The following TRPC4AP variants were observed in gnomAD, a reference collection of about 807,000 sequenced individuals.
TRPC4AP encodes the protein transient receptor potential cation channel subfamily C member 4 associated protein, also known as short transient receptor potential channel 4-associated protein.
In TRPC4AP, 45 loss-of-function variants were observed where a neutral mutation model predicts 99.0. The observed-to-expected ratio is 0.45, with a 90% CI of 0.36 to 0.58. The LOEUF (loss-of-function observed/expected upper bound fraction) is 0.58, where lower values mean the gene tolerates loss of function less well. Ranked by LOEUF, TRPC4AP falls within the 20% of genes least tolerant of loss-of-function variation. The pLI, the probability that TRPC4AP is intolerant of heterozygous loss-of-function variation, is 0.00. For missense variants in TRPC4AP, 879 were observed against 985.3 expected (o/e 0.89, Z 1.44); for synonymous variants, 408 against 385.8 (o/e 1.06, Z -0.67).
chr20:35,091,538 C>T (rs934209260), intron 1 of TRPC4AP, among the ~76,000 whole-genome samples: 1 of 152,120 alleles, frequency 6.6e-6, no homozygotes, highest in Non-Finnish European at 1.5e-5. Flanking sequence ...CCACCAACCA[C>T]TTTATCAGTT....
chr20:35,059,376 G>C (rs1185225715), intron 3 of TRPC4AP, among the ~76,000 whole-genome samples: 1 of 152,174 alleles, frequency 6.6e-6, no homozygotes, highest in African/African-American at 2.4e-5. Flanking sequence ...AGAAGAAACA[G>C]AGGCTGAGCA....
intron 3 of TRPC4AP, among the ~76,000 whole-genome samples, chr20:35,068,898 C>G (rs1275802888): frequency 1.3e-5 from 2 of 150,124 alleles, no homozygotes; most frequent in Non-Finnish European, 3.0e-5. Context: ...TGGTATATCA[C>G]TCTATGTGCG....
At chr20:35,065,005 A>C (rs925936454) in intron 3 of TRPC4AP, among the ~76,000 whole-genome samples, 7 of 152,242 alleles carry the variant, frequency 4.6e-5, no homozygotes, top group Admixed American at 2.6e-4. Context: ...CAAAATGAGT[A>C]GTAATGTTTA....
rs371983247 is a variant in TRPC4AP, at chr20:35,054,925, T to C, written c.528+51A>G. ...ACTCGAATATTCCCATCTTAAACATTGCAGACCTGGTAGGGGAGATAAACA... is the reference window on the plus strand; with the variant it reads ...ACTCGAATATTCCCATCTTAAACATCGCAGACCTGGTAGGGGAGATAAACA... On this transcript the variant is annotated intron_variant, in intron 5 of 18. Transcript: ENST00000252015. The C allele has an allele frequency of 4.7e-6, 7 of 1,476,682 alleles. No individual in the cohort carries two copies. The African/African-American group carries it at 8.3e-5, about 18-fold the overall frequency. The allele number at this position is 1,476,682 out of a possible 1,614,324, so 91.5% of individuals were successfully genotyped here.
chr20:35,073,764 C>G (rs2084390530), intron 2 of TRPC4AP, among the ~76,000 whole-genome samples: 1 of 152,184 alleles, frequency 6.6e-6, no homozygotes, highest in African/African-American at 2.4e-5. Context: ...GCTTTGGTAT[C>G]AGGATGATGC....
chr20:35,060,637 C>T (rs1432141738), intron 3 of TRPC4AP, among the ~76,000 whole-genome samples: 1 of 143,974 alleles, frequency 6.9e-6, no homozygotes, highest in Non-Finnish European at 1.5e-5. Flanking sequence ...CACCATGACA[C>T]TATGACAAAG....
intron 1 of TRPC4AP, among the ~76,000 whole-genome samples, chr20:35,078,794 G>A (rs367661914): frequency 5.3e-5 from 8 of 152,290 alleles, no homozygotes; most frequent in African/African-American, 1.7e-4. Context: ...GGCCAGGCAC[G>A]GTGGCTCACA....
chr20:35,034,499 CTTAG>C (rs1160705712), intron 8 of TRPC4AP, among the ~76,000 whole-genome samples: 10 of 152,174 alleles, frequency 6.6e-5, no homozygotes, highest in Admixed American at 6.5e-4. Context: ...TCACCGAGAA[CTTAG>C]TCTCTTCAAT....
At chr20:35,028,633 A>G (rs1466443847) in intron 8 of TRPC4AP, among the ~76,000 whole-genome samples, 1 of 152,144 alleles carries the variant, frequency 6.6e-6, no homozygotes, top group Non-Finnish European at 1.5e-5. Flanking sequence ...CTTGAGAAGA[A>G]CGTGCATTCT....
intron 3 of TRPC4AP, among the ~76,000 whole-genome samples, chr20:35,062,298 G>T (rs929289832): frequency 2.0e-5 from 3 of 152,044 alleles, no homozygotes; most frequent in Admixed American, 6.5e-5. Context: ...ATATACCAAG[G>T]GAAATTTTTT....
chr20:35,003,300 G>A lies in TRPC4AP; in HGVS notation c.2257-17C>T. 4 of 1,612,402 alleles carry A rather than the reference G, an allele frequency of 2.5e-6. No individual in the cohort carries two copies. Among genetic ancestry groups the A allele is most frequent in the Non-Finnish European group, 3.4e-6 (4 of 1,179,250 alleles). On this transcript the variant is annotated splice_polypyrimidine_tract_variant and intron_variant, in intron 18 of 18. Transcript: ENST00000252015. ...GCAGGAGCTCTGGGCAAAGAGGGAG[G>A]GGCTGGGGGGCGCCTGGAGGACCCA...
At chr20:35,054,459 G>A (rs537085900) in intron 5 of TRPC4AP, among the ~76,000 whole-genome samples, 2 of 152,242 alleles carry the variant, frequency 1.3e-5, no homozygotes, top group Admixed American at 1.3e-4. Context: ...GGTGTACTAA[G>A]CCAAGGGCCA....
intron 1 of TRPC4AP, among the ~76,000 whole-genome samples, chr20:35,083,957 T>A (rs1263344042): frequency 6.7e-6 from 1 of 149,482 alleles, no homozygotes; most frequent in Non-Finnish European, 1.5e-5. Context: ...TTCAAATGAT[T>A]TCTTTAAAAA....
At chr20:35,078,308 C>CA in intron 1 of TRPC4AP, 134 bp from the exon 2 acceptor site, 1 of 875,944 alleles carries the variant, frequency 1.1e-6, no homozygotes, top group Admixed American at 2.9e-5. Context: ...CTATAAAAAG[C>CA]CTCTTTCTAT....
chr20:35,040,011 A>C (rs1378024859), intron 7 of TRPC4AP, among the ~76,000 whole-genome samples: 1 of 151,884 alleles, frequency 6.6e-6, no homozygotes, highest in East Asian at 2.0e-4. Context: ...AGTTTATTAA[A>C]AACGAAACGA....
intron 11 of TRPC4AP, 59 bp from the exon 12 acceptor site, chr20:35,010,347 C>A (rs1450939022): frequency 6.9e-7 from 1 of 1,449,176 alleles, no homozygotes; most frequent in African/African-American, 1.4e-5. Context: ...TGGGTCAGCA[C>A]CAGGCTAGTG....
chr20:35,045,524 TTA>T (rs2083540773), intron 6 of TRPC4AP, among the ~76,000 whole-genome samples: 2 of 152,104 alleles, frequency 1.3e-5, no homozygotes, highest in South Asian at 4.1e-4. Flanking sequence ...GTGCGTGTCA[TTA>T]CACCTGGCTA....
Position 35,055,170 on chromosome 20 carries a change from CCT to C in TRPC4AP, c.473-141_473-140del, listed in dbSNP as rs1600604707. The C allele has an allele frequency of 4.0e-5, 28 of 698,936 alleles. No individual in the cohort carries two copies. In the East Asian group the frequency reaches 7.7e-4, roughly 19 times the overall value. The allele number at this position is 698,936 out of a possible 1,614,324, so 43.3% of individuals were successfully genotyped here. On this transcript the variant is annotated intron_variant, in intron 4 of 18. Coordinates refer to ENST00000252015, the MANE Select transcript of TRPC4AP (RefSeq NM_015638.3). ...TTCCTTTAATATACTTCTTCCAGCC[CCT>C]GTCTACCAAAGGTTTTCATAGTGCC...
intron 13 of TRPC4AP, 47 bp from the exon 14 acceptor site, chr20:35,007,687 G>A (rs2082543182): frequency 6.3e-7 from 1 of 1,594,194 alleles, no homozygotes; most frequent in Non-Finnish European, 8.6e-7. Context: ...CCCTCTTCCG[G>A]CCCATGTTCA....
Sources: gnomAD v4.1 joint callset for allele counts (sites outside exome capture counted in the v4.1 genomes callset) on GRCh38, gnomAD v4.1.1 for gene constraint, MANE v1.5 for transcripts, NCBI Gene and HGNC (gene_info 2026-07-23, HGNC 2026-07-21) for gene names.